Variants in SKIC3 observed in about 807,000 individuals in gnomAD.
SKIC3 encodes the protein SKI3 subunit of superkiller complex.
At chr5:95,498,011 G>A in the SKIC3 span, among the ~76,000 whole-genome samples, 2,601 of 152,188 alleles carry the variant, frequency 0.017, 50 homozygotes, top group African/African-American at 0.045. Flanking sequence ...TTAAACTTTT[G>A]AAGAAATTAA....
the SKIC3 span, chr5:95,540,738 C>A: frequency 6.2e-7 from 1 of 1,614,124 alleles, no homozygotes; most frequent in Non-Finnish European, 8.5e-7. Context: ...CAGCCAGGAA[C>A]TGAGTCAATT....
At chr5:95,513,777 C>A in the SKIC3 span, 3 of 739,184 alleles carry the variant, frequency 4.1e-6, no homozygotes, top group Admixed American at 7.5e-5. Context: ...AAGTTTTTCA[C>A]TTCTATTGTT....
At chr5:95,481,531 T>C in the SKIC3 span, among the ~76,000 whole-genome samples, 21 of 152,192 alleles carry the variant, frequency 1.4e-4, no homozygotes, top group African/African-American at 5.1e-4. Flanking sequence ...ATATAATTTA[T>C]CCTTCAATTT....
the SKIC3 span, chr5:95,513,375 T>A: frequency 1.8e-6 from 1 of 567,938 alleles, no homozygotes; most frequent in Admixed American, 2.9e-5. Context: ...GGCTAATTTT[T>A]AATTTTTTTT....
the SKIC3 span, chr5:95,547,001 TC>T: frequency 6.6e-7 from 1 of 1,508,446 alleles, no homozygotes; most frequent in Non-Finnish European, 9.2e-7. Flanking sequence ...ATATTACAAA[TC>T]AACAATGTTT....
the SKIC3 span, chr5:95,523,288 CT>C: frequency 6.2e-7 from 1 of 1,613,636 alleles, no homozygotes; most frequent in Non-Finnish European, 8.5e-7. Flanking sequence ...CAGCACTTGC[CT>C]TTTGAGTTAC....
chr5:95,530,658 T>A, the SKIC3 span, among the ~76,000 whole-genome samples: 1 of 152,112 alleles, frequency 6.6e-6, no homozygotes, highest in African/African-American at 2.4e-5. Context: ...CATCCAAGGA[T>A]CACAAGATAG....
the SKIC3 span, chr5:95,502,953 T>A: frequency 8.7e-6 from 14 of 1,614,154 alleles, no homozygotes; most frequent in Non-Finnish European, 1.2e-5. Flanking sequence ...GCTGTCAAGA[T>A]ATGGGCTTTG....
chr5:95,547,254 G>C, the SKIC3 span: 1 of 936,462 alleles, frequency 1.1e-6, no homozygotes, highest in Non-Finnish European at 1.7e-6. Flanking sequence ...AAAAGGAAAA[G>C]ACTCCTTCTC....
At chr5:95,517,186 GT>G in the SKIC3 span, 12 of 1,613,212 alleles carry the variant, frequency 7.4e-6, no homozygotes, top group Non-Finnish European at 1.0e-5. Context: ...TTTAATACTT[GT>G]TTTCCTTCTT....
At chr5:95,517,384 C>T in the SKIC3 span, 30 of 1,548,438 alleles carry the variant, frequency 1.9e-5, no homozygotes, top group Non-Finnish European at 2.5e-5. Flanking sequence ...GTTTATCTCC[C>T]TGATTATTAC....
the SKIC3 span, among the ~76,000 whole-genome samples, chr5:95,510,999 A>G: frequency 6.6e-6 from 1 of 152,352 alleles, no homozygotes; most frequent in East Asian, 1.9e-4. Context: ...CACTGTAACC[A>G]TATCTTTTGT....
the SKIC3 span, chr5:95,521,589 G>A: frequency 6.4e-6 from 1 of 155,096 alleles, no homozygotes; most frequent in South Asian, 2.0e-4. Flanking sequence ...ACAAATGTAG[G>A]TTATATATGG....
At chr5:95,503,120 A>G in the SKIC3 span, 1 of 1,130,050 alleles carries the variant, frequency 8.8e-7, no homozygotes, top group South Asian at 1.4e-5. Flanking sequence ...ATATCTTTGT[A>G]TTCTCCTGTT....
chr5:95,547,601 A>G, the SKIC3 span, among the ~76,000 whole-genome samples: 3 of 151,998 alleles, frequency 2.0e-5, no homozygotes, highest in African/African-American at 7.2e-5. Context: ...TAAATTATAG[A>G]TGATCAATTA....
the SKIC3 span, among the ~76,000 whole-genome samples, chr5:95,549,783 G>T: frequency 6.6e-6 from 1 of 151,486 alleles, no homozygotes; most frequent in Non-Finnish European, 1.5e-5. Context: ...AAAGGGAAAC[G>T]TCCATTCACC....
the SKIC3 span, among the ~76,000 whole-genome samples, chr5:95,539,424 C>T: frequency 6.6e-6 from 1 of 151,914 alleles, no homozygotes; most frequent in African/African-American, 2.4e-5. Context: ...GCAAGAATGA[C>T]CATAATCAAA....
chr5:95,483,473 G>GCTTA, the SKIC3 span, among the ~76,000 whole-genome samples: 1 of 152,126 alleles, frequency 6.6e-6, no homozygotes, highest in African/African-American at 2.4e-5. Flanking sequence ...GTCAATTTAT[G>GCTTA]CTTAGTAAAC....
At chr5:95,515,695 T>C in the SKIC3 span, among the ~76,000 whole-genome samples, 1 of 152,118 alleles carries the variant, frequency 6.6e-6, no homozygotes, top group Admixed American at 6.6e-5. Context: ...CTAAATCCAG[T>C]CTTTTTTGCA....
Sources: gnomAD v4.1 joint callset for allele counts (sites outside exome capture counted in the v4.1 genomes callset) on GRCh38, gnomAD v4.1.1 for gene constraint, MANE v1.5 for transcripts, NCBI Gene and HGNC (gene_info 2026-07-23, HGNC 2026-07-21) for gene names.